IPCEF1: variants seen among roughly 807,000 people sequenced by gnomAD.
IPCEF1 encodes interactor protein for cytohesin exchange factors 1.
In IPCEF1, 31 loss-of-function variants were observed where a neutral mutation model predicts 50.9. The observed-to-expected ratio is 0.61, with a 90% confidence interval of 0.46 to 0.82. IPCEF1 has a LOEUF of 0.82. Ranked by LOEUF, IPCEF1 falls within the 40% of genes least tolerant of loss-of-function variation. The probability of loss-of-function intolerance (pLI) is 0.00; values close to 1 mark genes in which losing one functional copy is unlikely to be tolerated. For synonymous variants in IPCEF1, 181 were observed against 192.0 expected (o/e 0.94, Z 0.47); for missense variants, 458 against 514.0 (o/e 0.89, Z 1.05).
chr6:154,177,225 T>A (rs1414856734), intron 10 of IPCEF1, among the ~76,000 whole-genome samples: 2 of 152,170 alleles, frequency 1.3e-5, no homozygotes, highest in Non-Finnish European at 2.9e-5. Context: ...GACATAGGCA[T>A]GGGCAAAGAC....
intron 7 of IPCEF1, chr6:154,217,225 A>G (rs790259): frequency 0.51 from 82,495 of 162,604 alleles, 21,837 homozygotes; most frequent in African/African-American, 0.64. Flanking sequence ...TTAAAAGTGC[A>G]GAGAGTGATG....
chr6:154,282,506 C>T (rs1236830466), intron 2 of IPCEF1, among the ~76,000 whole-genome samples: 4 of 152,012 alleles, frequency 2.6e-5, no homozygotes, highest in Admixed American at 6.6e-5. Flanking sequence ...CACGGTGAAA[C>T]CCTATCTCTA....
At chr6:154,284,725 G>A (rs1410145599) in intron 2 of IPCEF1, among the ~76,000 whole-genome samples, 1 of 152,198 alleles carries the variant, frequency 6.6e-6, no homozygotes, top group Admixed American at 6.5e-5. Context: ...GTTATAGCCA[G>A]GCACAGTGGC....
At chr6:154,287,160 CCT>C (rs10563787) in intron 2 of IPCEF1, among the ~76,000 whole-genome samples, 53,169 of 148,082 alleles carry the variant, frequency 0.36, 9,631 homozygotes, top group East Asian at 0.65. Context: ...CCCTTCTCTC[CCT>C]CTCTCTCTCT....
At chr6:154,218,530 C>G (rs186171351) in intron 7 of IPCEF1, among the ~76,000 whole-genome samples, 5 of 152,126 alleles carry the variant, frequency 3.3e-5, no homozygotes, top group African/African-American at 1.2e-4. Context: ...CTCCCTCCCC[C>G]ACACCTCTCA....
intron 1 of IPCEF1, among the ~76,000 whole-genome samples, chr6:154,310,059 CGGCCGTCGCTGTGCA>C (rs1258569219): frequency 4.6e-5 from 7 of 152,290 alleles, no homozygotes; most frequent in African/African-American, 1.4e-4. Context: ...CCACCACACC[CGGCCGTCGCTGTGCA>C]TTTTTAAACT....
At chr6:154,273,696 TTTTCTTTTTTTC>T (rs1781956179) in intron 2 of IPCEF1, among the ~76,000 whole-genome samples, 2 of 74,896 alleles carry the variant, frequency 2.7e-5, no homozygotes, top group Admixed American at 2.2e-4. Flanking sequence ...TTTTAAGCTT[TTTTCTTTTTTTC>T]TTTCTTTCTT....
intron 6 of IPCEF1, among the ~76,000 whole-genome samples, chr6:154,221,559 G>A (rs530036975): frequency 5.3e-5 from 8 of 152,248 alleles, no homozygotes; most frequent in African/African-American, 1.9e-4. Context: ...AGTCTTAGCT[G>A]GTCAGTAGTT....
chr6:154,306,126 T>A (rs755496224), intron 1 of IPCEF1, among the ~76,000 whole-genome samples: 2 of 152,184 alleles, frequency 1.3e-5, no homozygotes, highest in Non-Finnish European at 2.9e-5. Context: ...TTCCTTCTCC[T>A]GCCTGCCCAC....
At chr6:154,299,560 C>T (rs1315226138) in intron 1 of IPCEF1, among the ~76,000 whole-genome samples, 2 of 140,406 alleles carry the variant, frequency 1.4e-5, no homozygotes, top group African/African-American at 5.1e-5. Flanking sequence ...AAAACATGGA[C>T]ACATGAAGGG....
At chr6:154,244,996 G>C (rs535984621) in intron 5 of IPCEF1, among the ~76,000 whole-genome samples, 4 of 152,178 alleles carry the variant, frequency 2.6e-5, no homozygotes, top group African/African-American at 9.6e-5. Flanking sequence ...CAAAACAAAG[G>C]CCTGAAATAA....
At chr6:154,286,189 CT>C (rs1782354733) in intron 2 of IPCEF1, among the ~76,000 whole-genome samples, 1 of 151,584 alleles carries the variant, frequency 6.6e-6, no homozygotes, top group African/African-American at 2.4e-5. Context: ...CAGGGCCTGT[CT>C]GGGGGTGGGG....
chr6:154,169,526 A>T (rs1264042782), intron 10 of IPCEF1, among the ~76,000 whole-genome samples: 1 of 152,216 alleles, frequency 6.6e-6, no homozygotes, highest in Non-Finnish European at 1.5e-5. Flanking sequence ...AATTATACAC[A>T]TGCTAAAGTT....
chr6:154,266,049 A>G (rs768773256), intron 2 of IPCEF1, 85 bp from the exon 3 acceptor site: 7 of 756,610 alleles, frequency 9.3e-6, no homozygotes, highest in Admixed American at 7.5e-5. Flanking sequence ...GAAAGAAAAT[A>G]CTTCTATTGT....
At chr6:154,318,773 A>G (rs984995087) in intron 1 of IPCEF1, among the ~76,000 whole-genome samples, 2 of 151,716 alleles carry the variant, frequency 1.3e-5, no homozygotes, top group African/African-American at 4.8e-5. Context: ...TACAACATGC[A>G]CCCAATGTCA....
chr6:154,337,827 C>T (rs1783820399), intron 1 of IPCEF1, among the ~76,000 whole-genome samples: 2 of 152,178 alleles, frequency 1.3e-5, no homozygotes, highest in South Asian at 4.1e-4. Context: ...AGTGATCAGG[C>T]CCAGGAAGAC....
chr6:154,183,092 G>C (rs1583730850), intron 10 of IPCEF1, among the ~76,000 whole-genome samples: 1 of 151,966 alleles, frequency 6.6e-6, no homozygotes, highest in African/African-American at 2.4e-5. Context: ...TGATTCTCCT[G>C]CCTCAGCTTC....
At chr6:154,197,448 T>C (rs993468073) in intron 10 of IPCEF1, among the ~76,000 whole-genome samples, 1 of 152,212 alleles carries the variant, frequency 6.6e-6, no homozygotes, top group Non-Finnish European at 1.5e-5. Flanking sequence ...TTCTGTAGCA[T>C]ATGAGAACTG....
Position 154,160,049 on chromosome 6 carries a change from G to A in IPCEF1, c.1105-9C>T, listed in dbSNP as rs919585745. On this transcript the variant is annotated splice_polypyrimidine_tract_variant and intron_variant, in intron 11 of 11. Transcript: ENST00000367220. ...AGATCATGTTCTTTACACTGTGTGAGTAGAAAAAAAGGGGAAGGGGGTATG... is the reference window on the plus strand; with the variant it reads ...AGATCATGTTCTTTACACTGTGTGAATAGAAAAAAAGGGGAAGGGGGTATG... 1.9e-6 allele frequency: 3 copies of A among 1,596,748 alleles called. No individual in the cohort carries two copies. The highest frequency in any genetic ancestry group is 2.6e-6 in the Non-Finnish European group (3 of 1,173,490).
Sources: gnomAD v4.1 joint callset for allele counts (sites outside exome capture counted in the v4.1 genomes callset) on GRCh38, gnomAD v4.1.1 for gene constraint, MANE v1.5 for transcripts, NCBI Gene and HGNC (gene_info 2026-07-23, HGNC 2026-07-21) for gene names.